DACH1: variants seen among roughly 807,000 people sequenced by gnomAD.
DACH1 encodes dachshund family transcription factor 1.
Under a neutral mutation model 54.2 loss-of-function variants are expected in DACH1, and 12 were observed. The ratio of observed to expected loss-of-function variants is 0.22; its 90% CI spans 0.14 to 0.36. DACH1 has a LOEUF of 0.36. Ranked by LOEUF, DACH1 falls within the 10% of genes least tolerant of loss-of-function variation. DACH1 has a pLI of 1.00. For missense variants in DACH1, 805 were observed against 929.8 expected, an observed-to-expected ratio of 0.87 and a Z score of 1.75; for synonymous variants, 386 against 366.2, an observed-to-expected ratio of 1.05 and a Z score of -0.62.
intron 1 of DACH1, among the ~76,000 whole-genome samples, chr13:71,783,828 G>A (rs1233839767): frequency 6.6e-6 from 1 of 151,052 alleles, no homozygotes; most frequent in Admixed American, 6.6e-5. Context: ...AATAATTTAG[G>A]TTTGATTTAA....
chr13:71,759,520 C>A (rs1885312946), intron 1 of DACH1, among the ~76,000 whole-genome samples: 1 of 152,218 alleles, frequency 6.6e-6, no homozygotes, highest in Non-Finnish European at 1.5e-5. Flanking sequence ...ATGGTTCTTG[C>A]ATAATATGAA....
At chr13:71,769,284 A>G (rs1885759227) in intron 1 of DACH1, among the ~76,000 whole-genome samples, 1 of 151,720 alleles carries the variant, frequency 6.6e-6, no homozygotes, top group Admixed American at 6.6e-5. Flanking sequence ...ATTCCATATA[A>G]AAACTCTACA....
intron 6 of DACH1, among the ~76,000 whole-genome samples, chr13:71,543,099 T>C (rs1377964057): frequency 6.6e-6 from 1 of 152,154 alleles, no homozygotes; most frequent in Non-Finnish European, 1.5e-5. Context: ...CTGCCTAAGT[T>C]TGAAAACTGG....
intron 1 of DACH1, among the ~76,000 whole-genome samples, chr13:71,735,870 A>G (rs1884090852): frequency 6.6e-6 from 1 of 152,074 alleles, no homozygotes; most frequent in Non-Finnish European, 1.5e-5. Context: ...AATTTGTCTT[A>G]GATAATGACA....
chr13:71,680,930 C>G (rs1880858253), intron 2 of DACH1, among the ~76,000 whole-genome samples: 3 of 151,976 alleles, frequency 2.0e-5, no homozygotes, highest in African/African-American at 7.2e-5. Context: ...AAGAAAAACT[C>G]TCATCTTGCC....
chr13:71,662,444 A>C (rs1380732862), intron 2 of DACH1, among the ~76,000 whole-genome samples: 1 of 152,012 alleles, frequency 6.6e-6, no homozygotes, highest in Non-Finnish European at 1.5e-5. Flanking sequence ...TTGAGCAAGA[A>C]AAATCAGTGC....
intron 10 of DACH1, among the ~76,000 whole-genome samples, chr13:71,447,555 C>T (rs996178832): frequency 4.6e-5 from 7 of 151,902 alleles, no homozygotes; most frequent in African/African-American, 9.7e-5. Flanking sequence ...ATCATATGGC[C>T]GGGCGCAGTG....
At chr13:71,748,892 T>TCTCTCTCTCTCTCTCTCTCTC (rs1566476816) in intron 1 of DACH1, among the ~76,000 whole-genome samples, 4 of 104,408 alleles carry the variant, frequency 3.8e-5, no homozygotes, top group Non-Finnish European at 6.6e-5. Flanking sequence ...CTTTCTTTCT[T>TCTCTCTCTCTCTCTCTCTCTC]TCTTTCTCTT....
At chr13:71,820,130 A>G (rs1199785923) in intron 1 of DACH1, among the ~76,000 whole-genome samples, 1 of 149,486 alleles carries the variant, frequency 6.7e-6, no homozygotes, top group Non-Finnish European at 1.5e-5. Flanking sequence ...AAAAAAAAAG[A>G]ATAGGGGCCG....
intron 6 of DACH1, among the ~76,000 whole-genome samples, chr13:71,522,822 C>A (rs752549852): frequency 6.6e-6 from 1 of 151,988 alleles, no homozygotes; most frequent in East Asian, 1.9e-4. Flanking sequence ...TATACTATTT[C>A]GCTTTTTGAT....
chr13:71,624,625 A>C (rs544396367), intron 3 of DACH1, among the ~76,000 whole-genome samples: 25 of 152,024 alleles, frequency 1.6e-4, no homozygotes, highest in South Asian at 4.1e-4. Flanking sequence ...AACAAACAAA[A>C]AAACTTTCTA....
chr13:71,590,777 T>C (rs757700480), intron 3 of DACH1, among the ~76,000 whole-genome samples: 8 of 152,088 alleles, frequency 5.3e-5, no homozygotes, highest in Non-Finnish European at 8.8e-5. Flanking sequence ...TTCATCTTCA[T>C]TGTCCGCCTT....
At chr13:71,561,098 T>C (rs1432548941) in intron 4 of DACH1, among the ~76,000 whole-genome samples, 1 of 152,196 alleles carries the variant, frequency 6.6e-6, no homozygotes. Context: ...GGTTTTGTAC[T>C]GCCAGTGAGA....
At chr13:71,847,701 G>A (rs1405482305) in intron 1 of DACH1, among the ~76,000 whole-genome samples, 3 of 152,122 alleles carry the variant, frequency 2.0e-5, no homozygotes, top group African/African-American at 7.2e-5. Context: ...AGATGCTTTT[G>A]TAGCCAAATG....
intron 6 of DACH1, among the ~76,000 whole-genome samples, chr13:71,552,832 TATATATATATAGAGAGAGAGAG>T (rs1883945920): frequency 1.5e-4 from 6 of 38,800 alleles, no homozygotes; most frequent in Admixed American, 6.0e-4. Context: ...TATATATATA[TATATATATATAGAGAGAGAGAG>T]AGAGAGAGAG....
At chr13:71,552,828 TATATATATATATATAGAGAGAGAG>T (rs1348686028) in intron 6 of DACH1, among the ~76,000 whole-genome samples, 4 of 46,164 alleles carry the variant, frequency 8.7e-5, no homozygotes, top group African/African-American at 1.8e-4. Context: ...TATATATATA[TATATATATATATATAGAGAGAGAG>T]AGAGAGAGAG....
intron 1 of DACH1, among the ~76,000 whole-genome samples, chr13:71,726,805 T>G (rs114370461): frequency 0.015 from 2,237 of 152,160 alleles, 44 homozygotes; most frequent in East Asian, 0.047. Context: ...ATCTAATATA[T>G]CTCTTATTAA....
intron 10 of DACH1, among the ~76,000 whole-genome samples, chr13:71,456,153 A>G (rs1875547358): frequency 6.6e-6 from 1 of 152,154 alleles, no homozygotes; most frequent in Non-Finnish European, 1.5e-5. Flanking sequence ...GTTTGTTCTC[A>G]GCATATATTA....
chr13:71,537,075 C>T (rs1053204144), intron 6 of DACH1, among the ~76,000 whole-genome samples: 3 of 152,082 alleles, frequency 2.0e-5, no homozygotes, highest in African/African-American at 7.2e-5. Context: ...CATCTCCAGG[C>T]TCTGATCACT....
Sources: allele counts gnomAD v4.1 joint callset (sites outside exome capture counted in the v4.1 genomes callset), GRCh38; gene constraint gnomAD v4.1.1; transcripts MANE v1.5; gene names NCBI Gene and HGNC (gene_info 2026-07-23, HGNC 2026-07-21).